Variants in ST8SIA4 observed in about 807,000 individuals in gnomAD.
The protein encoded by ST8SIA4 is CMP-N-acetylneuraminate-poly-alpha-2,8-sialyltransferase.
ST8SIA4 carries 15 observed loss-of-function variants against 33.9 expected under a neutral mutation model. The observed-to-expected ratio is 0.44, with a 90% CI of 0.30 to 0.68. The LOEUF is 0.68. ST8SIA4 is among the 30% of genes least tolerant of loss of function. The pLI is 0.10. For missense variants in ST8SIA4, 321 were observed against 428.0 expected, an observed-to-expected ratio of 0.75 and a Z score of 2.21; for synonymous variants, 171 against 151.2, an observed-to-expected ratio of 1.13 and a Z score of -0.96.
At chr5:100,854,052 G>A (rs951076033) in intron 4 of ST8SIA4, among the ~76,000 whole-genome samples, 3 of 151,124 alleles carry the variant, frequency 2.0e-5, no homozygotes, top group African/African-American at 7.3e-5. Flanking sequence ...GTGTTTTTCA[G>A]AGTAACATGA....
At position 100,902,946 on chromosome 5, in the gene ST8SIA4, T is replaced by C; in HGVS notation, c.10A>G (p.Ile4Val). 6.2e-7 allele frequency: 1 copy of C among 1,614,130 alleles called. No individual in the cohort carries two copies. Among genetic ancestry groups the C allele is most frequent in the Non-Finnish European group, 8.5e-7 (1 of 1,179,970 alleles). The change falls in exon 1 of 5, where the codon ATT (isoleucine) becomes GTT (valine). Residue 4 changes from isoleucine to valine, a missense_variant. Transcript: ENST00000231461. The part of the protein sequence containing the change: MRS[I>V]RKRWTICTIS... Reference sequence around the variant, plus strand: ...GTGCAGATCGTCCACCTCTTCCTAATGGAGCGCATCTTGGGTGCCCGAGAA... The same window carrying C: ...GTGCAGATCGTCCACCTCTTCCTAACGGAGCGCATCTTGGGTGCCCGAGAA...
At chr5:100,860,412 T>A (rs1408037297) in intron 3 of ST8SIA4, among the ~76,000 whole-genome samples, 1 of 152,150 alleles carries the variant, frequency 6.6e-6, no homozygotes, top group Admixed American at 6.5e-5. Context: ...TTTGCTCCCA[T>A]CTTGTTTCTC....
chr5:100,891,466 T>G (rs1334308539), intron 2 of ST8SIA4, among the ~76,000 whole-genome samples: 2 of 152,088 alleles, frequency 1.3e-5, no homozygotes, highest in Admixed American at 6.6e-5. Flanking sequence ...TCTGGAAGAA[T>G]AAAACGTTTA....
intron 1 of ST8SIA4, among the ~76,000 whole-genome samples, chr5:100,896,662 T>A (rs1034614136): frequency 4.6e-5 from 7 of 152,170 alleles, no homozygotes; most frequent in African/African-American, 1.7e-4. Context: ...TGTATACTTG[T>A]GTAGAAACTT....
intron 4 of ST8SIA4, among the ~76,000 whole-genome samples, chr5:100,847,810 A>T (rs2544914): frequency 0.9 from 137,578 of 152,062 alleles, 62,922 homozygotes; most frequent in Middle Eastern, 0.98. Context: ...GGAATTATGG[A>T]ATTGATCATT....
intron 4 of ST8SIA4, among the ~76,000 whole-genome samples, chr5:100,813,995 C>T (rs1322199142): frequency 1.3e-5 from 2 of 151,980 alleles, no homozygotes; most frequent in Admixed American, 6.6e-5. Context: ...TTGTATGAAA[C>T]TCCAGACTTC....
intron 1 of ST8SIA4, among the ~76,000 whole-genome samples, chr5:100,899,574 A>T (rs77119780): frequency 0.076 from 11,536 of 152,274 alleles, 859 homozygotes; most frequent in African/African-American, 0.17. Context: ...AGATCTTTGG[A>T]TAATAAGAAA....
At chr5:100,900,551 G>A (rs1416427861) in intron 1 of ST8SIA4, 3 of 454,768 alleles carry the variant, frequency 6.6e-6, no homozygotes, top group Non-Finnish European at 1.3e-5. Context: ...AAGTGCTCAG[G>A]GAGCCTAGCT....
intron 4 of ST8SIA4, among the ~76,000 whole-genome samples, chr5:100,820,411 G>T (rs1033173742): frequency 1.3e-5 from 2 of 151,938 alleles, no homozygotes; most frequent in African/African-American, 4.8e-5. Context: ...GTAACTAGGG[G>T]TCATATAATC....
intron 3 of ST8SIA4, among the ~76,000 whole-genome samples, chr5:100,876,352 T>C (rs1752305492): frequency 6.6e-6 from 1 of 152,054 alleles, no homozygotes; most frequent in African/African-American, 2.4e-5. Flanking sequence ...CCATTTGCTT[T>C]TTTTCCTCAA....
intron 4 of ST8SIA4, among the ~76,000 whole-genome samples, chr5:100,840,086 A>G (rs1047248137): frequency 6.6e-6 from 1 of 151,664 alleles, no homozygotes; most frequent in African/African-American, 2.4e-5. Flanking sequence ...CTTTTATATC[A>G]TGTCATATCT....
chr5:100,858,354 T>C (rs949813067), intron 3 of ST8SIA4, among the ~76,000 whole-genome samples: 4 of 152,066 alleles, frequency 2.6e-5, no homozygotes, highest in African/African-American at 9.7e-5. Context: ...CCTCAGTAAT[T>C]TCTTTTTAGA....
chr5:100,864,550 G>A (rs186432581), intron 3 of ST8SIA4, among the ~76,000 whole-genome samples: 1 of 142,366 alleles, frequency 7.0e-6, no homozygotes, highest in Admixed American at 7.2e-5. Flanking sequence ...ACTCCAGCCT[G>A]GGTGACAGAG....
chr5:100,895,529 G>A, intron 2 of ST8SIA4, 125 bp downstream of exon 2: 1 of 896,764 alleles, frequency 1.1e-6, no homozygotes, highest in Non-Finnish European at 1.7e-6. Context: ...AAATAGAGCT[G>A]GTTCATTCTT....
intron 4 of ST8SIA4, among the ~76,000 whole-genome samples, chr5:100,818,633 T>C (rs1019546180): frequency 6.6e-6 from 1 of 152,160 alleles, no homozygotes; most frequent in Non-Finnish European, 1.5e-5. Context: ...TGTTAATTTT[T>C]TTTTCTATGT....
At chr5:100,854,380 G>A (rs186802322) in intron 4 of ST8SIA4, among the ~76,000 whole-genome samples, 120 of 152,036 alleles carry the variant, frequency 7.9e-4, no homozygotes, top group African/African-American at 2.6e-3. Flanking sequence ...TCAGGAGATC[G>A]AGACCATCCT....
intron 3 of ST8SIA4, among the ~76,000 whole-genome samples, chr5:100,873,320 G>A (rs1580475165): frequency 6.6e-6 from 1 of 151,388 alleles, no homozygotes; most frequent in East Asian, 1.9e-4. Flanking sequence ...GGGAAGATGA[G>A]GAGAAGATAG....
chr5:100,812,275 T>A, intron 4 of ST8SIA4, 146 bp from the exon 5 acceptor site: 1 of 649,516 alleles, frequency 1.5e-6, no homozygotes, highest in African/African-American at 1.9e-5. Flanking sequence ...TTTTTAAGCA[T>A]TTAGAAAATT....
chr5:100,832,783 A>T (rs982730621), intron 4 of ST8SIA4, among the ~76,000 whole-genome samples: 1 of 151,886 alleles, frequency 6.6e-6, no homozygotes, highest in African/African-American at 2.4e-5. Context: ...ACATTCTCTC[A>T]TTGTTCTTAT....
Sources: gnomAD v4.1 joint callset for allele counts (sites outside exome capture counted in the v4.1 genomes callset) on GRCh38, gnomAD v4.1.1 for gene constraint, MANE v1.5 for transcripts, NCBI Gene and HGNC (gene_info 2026-07-23, HGNC 2026-07-21) for gene names.